The following KIF6 variants were observed in gnomAD, a reference collection of about 807,000 sequenced individuals.
The protein encoded by KIF6 is kinesin family member 6.
A neutral mutation model predicts 112.7 loss-of-function variants in KIF6; 106 were observed. The observed-to-expected ratio is 0.94, with a 90% CI of 0.80 to 1.11. The LOEUF is 1.11. Ranked by LOEUF, KIF6 falls within the 50% of genes least tolerant of loss-of-function variation. The pLI, the probability that KIF6 is intolerant of heterozygous loss-of-function variation, is 0.00. For synonymous variants in KIF6, 339 were observed against 339.9 expected (o/e 1.00, Z 0.03); for missense variants, 929 against 964.0 (o/e 0.96, Z 0.48).
At position 39,627,739 on chromosome 6, in the gene KIF6, C is replaced by A. The variant is rs539582155; in HGVS notation, c.509+7110G>T. ...ACTGGTTCCTTTTTATAGTAATAAC[C>A]ATGACAATCGTTAGAATCTTAAATG... On this transcript the variant is annotated intron_variant, in intron 5 of 22. Coordinates refer to ENST00000287152, the MANE Select transcript of KIF6 (RefSeq NM_145027.6). 3.2e-4 allele frequency among the ~76,000 whole-genome samples: 48 copies of A among 152,150 alleles called. No individual in the cohort carries two copies. In the South Asian group the frequency reaches 9.8e-3, roughly 31 times the overall value.
At chr6:39,535,061 A>G (rs1778331934) in intron 13 of KIF6, among the ~76,000 whole-genome samples, 1 of 152,224 alleles carries the variant, frequency 6.6e-6, no homozygotes, top group Non-Finnish European at 1.5e-5. Context: ...TCCTGAAGGA[A>G]GCACTAAACA....
chr6:39,680,719 A>G (rs1726695986), intron 3 of KIF6, among the ~76,000 whole-genome samples: 1 of 152,226 alleles, frequency 6.6e-6, no homozygotes, highest in Admixed American at 6.5e-5. Context: ...CAGCTTTGCT[A>G]AAAAGGCCAG....
chr6:39,657,251 G>GA (rs542765212), intron 3 of KIF6, among the ~76,000 whole-genome samples: 124 of 135,692 alleles, frequency 9.1e-4, no homozygotes, highest in East Asian at 3.2e-3. Context: ...AAAGAAAAAA[G>GA]AAAAAAAAAA....
intron 5 of KIF6, among the ~76,000 whole-genome samples, chr6:39,627,429 G>T (rs1053026953): frequency 6.6e-6 from 1 of 152,106 alleles, no homozygotes; most frequent in Non-Finnish European, 1.5e-5. Flanking sequence ...CAGGGACTAC[G>T]TTAGCAAACA....
Position 39,378,362 on chromosome 6 carries a change from T to C in KIF6, c.1861+7260A>G, listed in dbSNP as rs569964909. Among the ~76,000 whole-genome samples the C allele has an allele frequency of 9.3e-5, 14 of 150,022 alleles. No homozygotes were observed. The South Asian group carries it at 2.9e-3, about 31-fold the overall frequency. On this transcript the variant is annotated intron_variant, in intron 16 of 22. Coordinates refer to ENST00000287152, the MANE Select transcript of KIF6 (RefSeq NM_145027.6). This position sits in a 1 kb window ranked among gnomAD's most constrained non-coding sequence, Gnocchi z 5.0. ...ACATACCACATACACACATACCACG[T>C]GCCACATATACATACAATACATACA...
intron 2 of KIF6, among the ~76,000 whole-genome samples, chr6:39,715,980 C>A (rs1271905292): frequency 6.6e-6 from 1 of 152,056 alleles, no homozygotes; most frequent in Admixed American, 6.6e-5. Context: ...ATATTCTCAG[C>A]TTTTGAGGAG....
intron 19 of KIF6, among the ~76,000 whole-genome samples, chr6:39,354,755 C>T (rs1764510638): frequency 6.6e-6 from 1 of 152,202 alleles, no homozygotes; most frequent in East Asian, 1.9e-4. Context: ...GCACTTGCTG[C>T]TATACCATGA....
At chr6:39,465,980 T>G (rs1773761342) in intron 13 of KIF6, among the ~76,000 whole-genome samples, 1 of 152,322 alleles carries the variant, frequency 6.6e-6, no homozygotes, top group Admixed American at 6.5e-5. Context: ...CACTCCCTTC[T>G]TTCCAGGCAT....
At chr6:39,403,503 T>C (rs1018264980) in intron 15 of KIF6, among the ~76,000 whole-genome samples, 4 of 152,220 alleles carry the variant, frequency 2.6e-5, no homozygotes, top group Admixed American at 1.3e-4. Flanking sequence ...GCTCTTTTTA[T>C]TGCTGAGTAA....
chr6:39,357,411 G>A (rs1764789405), intron 18 of KIF6, 37 bp from the exon 19 acceptor site: 1 of 1,148,854 alleles, frequency 8.7e-7, no homozygotes. Flanking sequence ...GTGTTAGCTT[G>A]AATCTAATGA....
intron 13 of KIF6, among the ~76,000 whole-genome samples, chr6:39,435,031 G>A (rs754052015): frequency 6.6e-6 from 1 of 152,166 alleles, no homozygotes; most frequent in Non-Finnish European, 1.5e-5. Context: ...TTTTATAGAT[G>A]AGGAAACTGA....
intron 3 of KIF6, among the ~76,000 whole-genome samples, chr6:39,700,780 C>T (rs1451300308): frequency 1.3e-5 from 2 of 151,146 alleles, no homozygotes; most frequent in African/African-American, 4.9e-5. Context: ...GTGGCACGAT[C>T]TCGGCTCACT....
chr6:39,603,528 AT>A (rs145260008), intron 6 of KIF6, among the ~76,000 whole-genome samples: 3,247 of 146,742 alleles, frequency 0.022, 96 homozygotes, highest in African/African-American at 0.071. Context: ...ATGGTGATGC[AT>A]TTTTTTTTTG....
At chr6:39,699,558 G>A (rs962799294) in intron 3 of KIF6, among the ~76,000 whole-genome samples, 7 of 152,156 alleles carry the variant, frequency 4.6e-5, no homozygotes, top group African/African-American at 1.7e-4. Context: ...ATGGAAGCTG[G>A]CCTTTTTGGC....
At chr6:39,722,389 T>C (rs1028301975) in intron 1 of KIF6, among the ~76,000 whole-genome samples, 43 of 152,208 alleles carry the variant, frequency 2.8e-4, no homozygotes, top group African/African-American at 1.0e-3. Flanking sequence ...TTTCTATCCT[T>C]ATTCATAAAA....
intron 5 of KIF6, among the ~76,000 whole-genome samples, chr6:39,626,770 A>G (rs1031532782): frequency 8.5e-5 from 13 of 152,164 alleles, no homozygotes; most frequent in Admixed American, 7.2e-4. Context: ...TGGGATGTTT[A>G]TTCAAACATG....
intron 13 of KIF6, among the ~76,000 whole-genome samples, chr6:39,481,944 T>G (rs997020167): frequency 6.6e-6 from 1 of 151,734 alleles, no homozygotes; most frequent in Non-Finnish European, 1.5e-5. Flanking sequence ...TACTCTGTGC[T>G]TAACTCAGAT....
intron 3 of KIF6, among the ~76,000 whole-genome samples, chr6:39,669,743 C>T (rs922630374): frequency 6.6e-6 from 1 of 152,186 alleles, no homozygotes; most frequent in African/African-American, 2.4e-5. Context: ...AGGTGGGCGG[C>T]ACCTTTGGTG....
chr6:39,605,464 T>C (rs1248768191), intron 6 of KIF6, among the ~76,000 whole-genome samples: 1 of 152,076 alleles, frequency 6.6e-6, no homozygotes, highest in African/African-American at 2.4e-5. Context: ...TTTTTATACA[T>C]ACTACATACC....
Sources: allele counts gnomAD v4.1 joint callset (sites outside exome capture counted in the v4.1 genomes callset), GRCh38; gene constraint gnomAD v4.1.1; non-coding constraint Gnocchi (gnomAD v3.1); transcripts MANE v1.5; gene names NCBI Gene and HGNC (gene_info 2026-07-23, HGNC 2026-07-21).